The following PLCH2 variants were observed in gnomAD, a reference collection of about 807,000 sequenced individuals.
PLCH2 encodes 1-phosphatidylinositol 4,5-bisphosphate phosphodiesterase eta-2.
Under a neutral mutation model 134.7 loss-of-function variants are expected in PLCH2, and 98 were observed. The observed-to-expected ratio is 0.73, with a 90% CI of 0.62 to 0.86. PLCH2 has a LOEUF of 0.86. PLCH2 is among the 40% of genes least tolerant of loss of function. The probability of loss-of-function intolerance (pLI) is 0.00; values close to 1 mark genes in which losing one functional copy is unlikely to be tolerated. For synonymous variants in PLCH2, 974 were observed against 827.5 expected, an observed-to-expected ratio of 1.18 and a Z score of -3.04; for missense variants, 1,994 against 1,986.6, an observed-to-expected ratio of 1.00 and a Z score of -0.07.
chr1:2,504,758 G>T lies in PLCH2; in HGVS notation c.3796G>T (p.Ala1266Ser), dbSNP rs1427345041. Reference protein sequence around the residue: ...SLGDLTADDFAPSFEGGSRRL... With the variant: ...SLGDLTADDFSPSFEGGSRRL... ...GGGCGACCTCACTGCTGATGACTTT[G>T]CCCCTAGCTTTGAGGGCGGCTCCCG... is the stretch of plus-strand genomic sequence containing the variant. The change falls in exon 22 of 22, where the codon GCC (alanine) becomes TCC (serine). Residue 1266 changes from alanine to serine, a missense_variant. Around this residue, in one of 2 missense-constraint regions of PLCH2, gnomAD observed 900 missense variants for 752.3 expected, o/e 1.20. Transcript: ENST00000378486. The T allele has an allele frequency of 6.2e-7, 1 of 1,612,306 alleles. No homozygotes were observed. Among genetic ancestry groups the T allele is most frequent in the Non-Finnish European group, 8.5e-7 (1 of 1,179,772 alleles).
chr1:2,433,024 C>G (rs893319740), intron 2 of PLCH2, among the ~76,000 whole-genome samples: 12 of 152,218 alleles, frequency 7.9e-5, no homozygotes, highest in Non-Finnish European at 1.0e-4. Context: ...TTGCCCCCTC[C>G]CATCCCTGAG....
chr1:2,433,526 G>A (rs940905901), intron 2 of PLCH2, among the ~76,000 whole-genome samples: 1 of 152,194 alleles, frequency 6.6e-6, no homozygotes, highest in South Asian at 2.1e-4. Context: ...CAGTCTCGGT[G>A]CCTTGAGGCT....
chr1:2,482,549 C>A (rs1209948215), intron 4 of PLCH2, among the ~76,000 whole-genome samples: 2 of 152,230 alleles, frequency 1.3e-5, no homozygotes, highest in Non-Finnish European at 2.9e-5. Flanking sequence ...CTCATCCCAG[C>A]CTTGGTGTGG....
intron 2 of PLCH2, among the ~76,000 whole-genome samples, chr1:2,440,908 G>T (rs961916832): frequency 6.6e-5 from 10 of 152,230 alleles, no homozygotes; most frequent in Non-Finnish European, 1.3e-4. Flanking sequence ...GAAGGCTGTG[G>T]GTCTTTCCTC....
chr1:2,504,096 T>A lies in PLCH2; in HGVS notation c.3134T>A (p.Leu1045Gln). 6.5e-7 allele frequency: 1 copy of A among 1,536,338 alleles called. No individual in the cohort carries two copies. Among genetic ancestry groups the A allele is most frequent in the Non-Finnish European group, 8.8e-7 (1 of 1,141,768 alleles). ...TGPGANVASP[L>Q]EDTEEPRDSR... The stretch of plus-strand genomic sequence containing the variant: ...CCCGGAGCCAATGTGGCAAGCCCCC[T>A]AGAGGACACTGAGGAGCCCCGAGAC... The change falls in exon 22 of 22, where the codon CTA (leucine) becomes CAA (glutamine). Residue 1045 changes from leucine to glutamine, a missense_variant. Leu to Gln is a moderately radical substitution (Grantham distance 113, BLOSUM62 -2). Around this residue, in one of 2 missense-constraint regions of PLCH2, gnomAD observed 900 missense variants for 752.3 expected, o/e 1.20. Transcript: ENST00000378486.
At chr1:2,478,716 C>A in intron 2 of PLCH2, 94 bp downstream of exon 2, 1 of 1,260,660 alleles carries the variant, frequency 7.9e-7, no homozygotes, top group Non-Finnish European at 1.1e-6. Flanking sequence ...GGCTGAGGAG[C>A]AGCGAGACCC....
At chr1:2,437,006 T>G (rs113076928) in intron 2 of PLCH2, among the ~76,000 whole-genome samples, 5 of 152,110 alleles carry the variant, frequency 3.3e-5, no homozygotes, top group African/African-American at 1.2e-4. Flanking sequence ...CTGGGGCCCC[T>G]CCCCGGGGCT....
intron 21 of PLCH2, chr1:2,502,960 T>C (rs1162367170): frequency 1.4e-6 from 1 of 717,132 alleles, no homozygotes; most frequent in Non-Finnish European, 2.6e-6. Context: ...CTGGCATGGC[T>C]GGGCCTGGGT....
chr1:2,450,768 G>A (rs1640185954), intron 2 of PLCH2, among the ~76,000 whole-genome samples: 1 of 114,706 alleles, frequency 8.7e-6, no homozygotes, highest in South Asian at 3.1e-4. Context: ...TGCATCCCAG[G>A]TTCCAGACCC....
intron 2 of PLCH2, among the ~76,000 whole-genome samples, chr1:2,450,004 G>A (rs1012276688): frequency 3.9e-5 from 6 of 152,204 alleles, no homozygotes; most frequent in African/African-American, 1.4e-4. Flanking sequence ...TGGGGAAGTG[G>A]GTGAATGAAG....
At chr1:2,419,516 G>C in the PLCH2 span, among the ~76,000 whole-genome samples, 1 of 152,098 alleles carries the variant, frequency 6.6e-6, no homozygotes, top group South Asian at 2.1e-4. Context: ...TGACAGAGGC[G>C]CCTCCCATGG....
rs943169312 is a variant in PLCH2 at position 2,448,607 on chromosome 1, G to A, written c.115+17978G>A. 2.0e-5 allele frequency among the ~76,000 whole-genome samples: 3 copies of A among 152,102 alleles called. No individual in the cohort carries two copies. The highest frequency in any genetic ancestry group is 2.9e-5 in the Non-Finnish European group (2 of 68,012). On this transcript the variant is annotated intron_variant, in intron 2 of 3. Coordinates refer to the PLCH2 transcript ENST00000609981. This position sits in a 1 kb window ranked among gnomAD's most constrained non-coding sequence, Gnocchi z 4.0. ...GCGGATGTGTTTTCTGTCGGGGGTC[G>A]CCCTTCAGCCCCCTACTGTGGCCGT...
chr1:2,418,235 T>C, the PLCH2 span, among the ~76,000 whole-genome samples: 1 of 152,234 alleles, frequency 6.6e-6, no homozygotes, highest in Admixed American at 6.5e-5. Flanking sequence ...GAAACTGCAC[T>C]GAACTGATTC....
Position 2,504,990 on chromosome 1 carries a change from A to G in PLCH2, c.4028A>G (p.His1343Arg). The change falls in exon 22 of 22, where the codon CAC (histidine) becomes CGC (arginine). Residue 1343 changes from histidine (H) to arginine (R), a missense_variant. By Grantham distance (29) the His-to-Arg change is conservative (BLOSUM62 0). Around this residue, in one of 2 missense-constraint regions of PLCH2, gnomAD observed 900 missense variants for 752.3 expected, o/e 1.20. Transcript: ENST00000378486. ...GFVRRSSSRS[H>R]SRVRAIASRA... ...GTGCGGCGCTCCTCCTCCCGCAGCC[A>G]CAGCCGCGTGCGTGCCATTGCCAGC... 6.5e-7 allele frequency: 1 copy of G among 1,547,980 alleles called. No homozygotes were observed. Among genetic ancestry groups the G allele is most frequent in the East Asian group, 2.4e-5 (1 of 41,330 alleles).
In PLCH2 at chr1:2,504,218, G is replaced by A. The variant is rs1256226902; in HGVS notation, c.3256G>A (p.Gly1086Ser). Residue 1086 changes from glycine (G) to serine (S), a missense_variant, in exon 22 of 22, where the codon GGC becomes AGC. Around this residue, in one of 2 missense-constraint regions of PLCH2, gnomAD observed 900 missense variants for 752.3 expected, o/e 1.20. Transcript: ENST00000378486. ...CGGCAGGAGCCAGCCCCGGACCCTGGGCCACCTGCCCGTGATTAGAAGGGT... is the reference window on the plus strand; with the variant it reads ...CGGCAGGAGCCAGCCCCGGACCCTGAGCCACCTGCCCGTGATTAGAAGGGT... ...TDGRSQPRTLGHLPVIRRVKS... is the reference protein window; with the variant it reads ...TDGRSQPRTLSHLPVIRRVKS... The A allele has an allele frequency of 1.5e-5, 24 of 1,562,966 alleles. No homozygotes were observed. The highest frequency in any genetic ancestry group is 2.1e-5 in the Non-Finnish European group (24 of 1,155,138).
At position 2,479,864 on chromosome 1, in the gene PLCH2, C is replaced by G. The variant is rs1426627330; in HGVS notation, c.402C>G (p.Asp134Glu). Residue 134 changes from aspartate (D) to glutamate (E), a missense_variant, in exon 3 of 22, where the codon GAC becomes GAG. By Grantham distance (45) the Asp-to-Glu change is conservative (BLOSUM62 2). Transcript: ENST00000378486. ...ACGGCAGCCACCGCGAGTCGCTGGA[C>G]CTGGTCTCCACCAGCAGCGAGGTGG... ...IYHGSHRESL[D>E]LVSTSSEVAR... is the part of the protein sequence containing the mutation. 1 of 1,611,658 alleles carries G rather than the reference C, an allele frequency of 6.2e-7. No homozygotes were observed. Among genetic ancestry groups the G allele is most frequent in the South Asian group, 1.1e-5 (1 of 91,048 alleles).
At chr1:2,419,356 G>C in the PLCH2 span, among the ~76,000 whole-genome samples, 1 of 152,200 alleles carries the variant, frequency 6.6e-6, no homozygotes, top group East Asian at 1.9e-4. Flanking sequence ...GTTGGCCCTG[G>C]AGGTCCTATT....
upstream of PLCH2, among the ~76,000 whole-genome samples, chr1:2,421,526 G>A (rs889749853): frequency 6.6e-6 from 1 of 152,102 alleles, no homozygotes; most frequent in African/African-American, 2.4e-5. Flanking sequence ...TGTTATCTGG[G>A]TGCAGTCTGT....
At chr1:2,480,614 G>A (rs1641909027) in intron 4 of PLCH2, among the ~76,000 whole-genome samples, 1 of 152,084 alleles carries the variant, frequency 6.6e-6, no homozygotes, top group Admixed American at 6.6e-5. Context: ...GAGTGGACTG[G>A]GCATTCAGGG....
Sources: allele counts gnomAD v4.1 joint callset (sites outside exome capture counted in the v4.1 genomes callset), GRCh38; gene constraint gnomAD v4.1.1; regional missense constraint gnomAD v4.1.1; non-coding constraint Gnocchi (gnomAD v3.1); transcripts MANE v1.5; gene names NCBI Gene and HGNC (gene_info 2026-07-23, HGNC 2026-07-21).